RBM19: variants seen among roughly 807,000 people sequenced by gnomAD.
RBM19 encodes probable RNA-binding protein 19.
RBM19 carries 94 observed loss-of-function variants against 116.8 expected under a neutral mutation model. That is an observed-to-expected ratio of 0.80 (90% CI 0.68 to 0.95). The LOEUF is 0.95. Ranked by LOEUF, RBM19 falls within the 40% of genes least tolerant of loss-of-function variation. RBM19 has a pLI of 0.00. For synonymous variants in RBM19, 475 were observed against 494.1 expected (o/e 0.96, Z 0.51); for missense variants, 1,161 against 1,220.7 (o/e 0.95, Z 0.73).
At chr12:113,845,418 T>C (rs1346241035) in intron 22 of RBM19, among the ~76,000 whole-genome samples, 1 of 152,210 alleles carries the variant, frequency 6.6e-6, no homozygotes, top group Non-Finnish European at 1.5e-5. Context: ...GACTCCCACA[T>C]GCTGCCTGGT....
At chr12:113,916,075 C>T (rs1013091780) in intron 20 of RBM19, among the ~76,000 whole-genome samples, 58 of 152,256 alleles carry the variant, frequency 3.8e-4, no homozygotes, top group African/African-American at 1.3e-3. Context: ...TCTCATATGG[C>T]AGCCACCAGC....
intron 21 of RBM19, among the ~76,000 whole-genome samples, chr12:113,901,542 T>C (rs1881693681): frequency 6.6e-6 from 1 of 151,972 alleles, no homozygotes; most frequent in African/African-American, 2.4e-5. Context: ...AGAGTCTTGC[T>C]CTGTCACCCA....
intron 21 of RBM19, among the ~76,000 whole-genome samples, chr12:113,863,725 C>A (rs1466426362): frequency 6.6e-6 from 1 of 152,140 alleles, no homozygotes; most frequent in Non-Finnish European, 1.5e-5. Flanking sequence ...ACCTAAGAGA[C>A]CCAGAATCAG....
chr12:113,935,870 C>T (rs1165887946), intron 16 of RBM19, among the ~76,000 whole-genome samples: 1 of 152,034 alleles, frequency 6.6e-6, no homozygotes, highest in Non-Finnish European at 1.5e-5. Flanking sequence ...CCCGTCTCTA[C>T]CAAAAATACA....
chr12:113,956,927 G>A (rs1871995085), intron 6 of RBM19, among the ~76,000 whole-genome samples: 2 of 152,174 alleles, frequency 1.3e-5, no homozygotes, highest in Admixed American at 6.5e-5. Context: ...GGCAGGCATG[G>A]TGCCTAGTGT....
chr12:113,918,528 C>G, intron 19 of RBM19, 81 bp from the exon 20 acceptor site: 1 of 1,455,130 alleles, frequency 6.9e-7, no homozygotes, highest in South Asian at 1.2e-5. Flanking sequence ...AGAGCAGAGC[C>G]CTGGCTCGCA....
chr12:113,936,270 A>G (rs1316767540), intron 16 of RBM19, among the ~76,000 whole-genome samples: 1 of 152,184 alleles, frequency 6.6e-6, no homozygotes, highest in Non-Finnish European at 1.5e-5. Flanking sequence ...TAACATCTGG[A>G]TAGAATGACC....
chr12:113,937,352 G>T, intron 15 of RBM19: 1 of 427,176 alleles, frequency 2.3e-6, no homozygotes, highest in Non-Finnish European at 4.1e-6. Flanking sequence ...GCAGGAGAGA[G>T]GCTTTAGTCT....
chr12:113,924,205 G>A (rs1479645614), intron 18 of RBM19, among the ~76,000 whole-genome samples: 1 of 152,202 alleles, frequency 6.6e-6, no homozygotes, highest in Non-Finnish European at 1.5e-5. Flanking sequence ...GGAGGTGCAT[G>A]GTTATTGACT....
chr12:113,884,852 CAAAA>C (rs1880414208), intron 21 of RBM19, among the ~76,000 whole-genome samples: 1 of 152,058 alleles, frequency 6.6e-6, no homozygotes, highest in African/African-American at 2.4e-5. Context: ...ATTTGCAAAA[CAAAA>C]TAAATAATGA....
chr12:113,842,808 G>A (rs1479917908), intron 23 of RBM19, among the ~76,000 whole-genome samples: 2 of 151,584 alleles, frequency 1.3e-5, no homozygotes, highest in Non-Finnish European at 2.9e-5. Flanking sequence ...GCATTTATCA[G>A]GTTAAAAAAA....
rs1169626027 is a variant in RBM19 at position 113,915,101 on chromosome 12, G to C, written c.2442-16C>G. On this transcript the variant is annotated splice_polypyrimidine_tract_variant and intron_variant, in intron 20 of 23. Coordinates refer to ENST00000261741, the MANE Select transcript of RBM19 (RefSeq NM_016196.4). ...CACGGCTGGCCTGGAGTGGTGGGGG[G>C]AGAGGGTCCAAGTTATTCGGAGCTT... is the stretch of plus-strand genomic sequence containing the variant. 13 of 1,602,092 alleles carry C rather than the reference G, an allele frequency of 8.1e-6. No individual in the cohort carries two copies. The highest frequency in any genetic ancestry group is 1.1e-5 in the Non-Finnish European group (13 of 1,168,978).
Position 113,942,438 on chromosome 12 carries a change from T to G in RBM19, c.1627-4A>C. ...CGGCCACGCTGCCCTTGGTCTCCTGTGGAAGAGGAAAGGAAGAGTTCTGGT... is the reference window on the plus strand; with the variant it reads ...CGGCCACGCTGCCCTTGGTCTCCTGGGGAAGAGGAAAGGAAGAGTTCTGGT... On this transcript the variant is annotated splice_polypyrimidine_tract_variant and splice_region_variant and intron_variant, in intron 13 of 23. Transcript: ENST00000261741. 1 of 1,601,522 alleles carries G rather than the reference T, an allele frequency of 6.2e-7. No individual in the cohort carries two copies. Among genetic ancestry groups the G allele is most frequent in the Admixed American group, 1.7e-5 (1 of 59,368 alleles).
intron 13 of RBM19, among the ~76,000 whole-genome samples, chr12:113,945,141 G>C (rs1189895527): frequency 6.6e-6 from 1 of 152,232 alleles, no homozygotes; most frequent in East Asian, 1.9e-4. Flanking sequence ...AAAAGGGCAA[G>C]TGTGAGATGA....
At chr12:113,831,171 A>G (rs1337128588) in intron 23 of RBM19, among the ~76,000 whole-genome samples, 1 of 152,228 alleles carries the variant, frequency 6.6e-6, no homozygotes, top group Non-Finnish European at 1.5e-5. Flanking sequence ...GAAAATAGTG[A>G]TGATTCATTC....
intron 21 of RBM19, among the ~76,000 whole-genome samples, chr12:113,904,475 G>A (rs1242950991): frequency 2.6e-5 from 4 of 152,154 alleles, no homozygotes; most frequent in African/African-American, 9.7e-5. Flanking sequence ...GCTTCTTGGC[G>A]GGGGAATGAA....
chr12:113,925,317 C>T (rs533174773), intron 17 of RBM19, among the ~76,000 whole-genome samples: 57 of 152,216 alleles, frequency 3.7e-4, no homozygotes, highest in African/African-American at 1.3e-3. Context: ...GCCCAGGGGC[C>T]GGGGAGAAAC....
intron 13 of RBM19, among the ~76,000 whole-genome samples, chr12:113,942,710 T>C (rs569331419): frequency 6.6e-6 from 1 of 151,584 alleles, no homozygotes; most frequent in Non-Finnish European, 1.5e-5. Flanking sequence ...CCCAGACTCA[T>C]GCAATCTTCA....
At chr12:113,915,177 A>G (rs1296590401) in intron 20 of RBM19, 92 bp from the exon 21 acceptor site, 2 of 1,054,702 alleles carry the variant, frequency 1.9e-6, no homozygotes, top group African/African-American at 1.6e-5. Context: ...CAGAATATTC[A>G]GGTGATGGAT....
Sources: allele counts gnomAD v4.1 joint callset (sites outside exome capture counted in the v4.1 genomes callset), GRCh38; gene constraint gnomAD v4.1.1; transcripts MANE v1.5; gene names NCBI Gene and HGNC (gene_info 2026-07-23, HGNC 2026-07-21).